The following ATP9A variants were observed in gnomAD, a reference collection of about 807,000 sequenced individuals.
ATP9A encodes ATPase phospholipid transporting 9A, also known as probable phospholipid-transporting ATPase IIA.
A neutral mutation model predicts 144.1 loss-of-function variants in ATP9A; 52 were observed. The observed-to-expected ratio is 0.36, with a 90% CI of 0.29 to 0.45. ATP9A has a LOEUF of 0.45. Ranked by LOEUF, ATP9A falls within the 20% of genes least tolerant of loss-of-function variation. ATP9A has a pLI of 1.00. For synonymous variants in ATP9A, 582 were observed against 557.4 expected (o/e 1.04, Z -0.62); for missense variants, 947 against 1,392.7 (o/e 0.68, Z 5.09).
intron 1 of ATP9A, among the ~76,000 whole-genome samples, chr20:51,750,592 G>A (rs1165926066): frequency 1.3e-5 from 2 of 152,154 alleles, no homozygotes; most frequent in Non-Finnish European, 2.9e-5. Flanking sequence ...CTGTGGCAAA[G>A]CCCTCAACGC....
At chr20:51,610,538 A>G (rs2077180991) in intron 23 of ATP9A, among the ~76,000 whole-genome samples, 1 of 152,156 alleles carries the variant, frequency 6.6e-6, no homozygotes, top group African/African-American at 2.4e-5. Context: ...TGCTTTGTAC[A>G]TGAGCACAGC....
chr20:51,726,664 G>A (rs994052275), intron 2 of ATP9A, among the ~76,000 whole-genome samples: 6 of 151,908 alleles, frequency 3.9e-5, no homozygotes, highest in Non-Finnish European at 8.8e-5. Context: ...CTGCAGCCTC[G>A]AATTCCTGGG....
chr20:51,700,415 C>T (rs1322530332), intron 4 of ATP9A, among the ~76,000 whole-genome samples: 3 of 152,120 alleles, frequency 2.0e-5, no homozygotes, highest in Admixed American at 6.6e-5. Context: ...CCAGCTACTC[C>T]GGAGACTGAG....
intron 1 of ATP9A, among the ~76,000 whole-genome samples, chr20:51,730,612 C>T (rs970331533): frequency 6.6e-6 from 1 of 152,228 alleles, no homozygotes; most frequent in Admixed American, 6.5e-5. Flanking sequence ...GAGTGACTTA[C>T]ACAACCTGGC....
intron 20 of ATP9A, 62 bp from the exon 21 acceptor site, chr20:51,618,868 C>A (rs45519340): frequency 1.2e-5 from 19 of 1,582,606 alleles, no homozygotes; most frequent in Non-Finnish European, 1.6e-5. Flanking sequence ...TGGTGGAGGT[C>A]GCTGCCGAGC....
intron 9 of ATP9A, among the ~76,000 whole-genome samples, chr20:51,684,135 T>G (rs2077512008): frequency 6.6e-6 from 1 of 151,912 alleles, no homozygotes; most frequent in African/African-American, 2.4e-5. Context: ...CAGTGAGCCC[T>G]GATCATGTCT....
intron 1 of ATP9A, among the ~76,000 whole-genome samples, chr20:51,765,401 T>TCACAGCAC (rs934825347): frequency 6.6e-6 from 1 of 152,134 alleles, no homozygotes; most frequent in African/African-American, 2.4e-5. Context: ...ACATCTGTAA[T>TCACAGCAC]CACAGCACTT....
At chr20:51,748,495 A>G (rs987225291) in intron 1 of ATP9A, among the ~76,000 whole-genome samples, 1 of 152,204 alleles carries the variant, frequency 6.6e-6, no homozygotes, top group Admixed American at 6.6e-5. Context: ...TCAGTTATAA[A>G]ATGTTGGCAA....
intron 1 of ATP9A, among the ~76,000 whole-genome samples, chr20:51,758,971 G>A (rs561331776): frequency 7.0e-4 from 107 of 152,270 alleles, no homozygotes; most frequent in Non-Finnish European, 1.4e-3. Flanking sequence ...CGGCAGGCAC[G>A]GCACCCATGT....
intron 14 of ATP9A, among the ~76,000 whole-genome samples, chr20:51,653,008 ACT>A (rs2077373200): frequency 6.6e-6 from 1 of 151,340 alleles, no homozygotes; most frequent in Non-Finnish European, 1.5e-5. Context: ...TGCTGGGGAG[ACT>A]GAGGCAGAAG....
chr20:51,657,680 G>A (rs760802548), intron 13 of ATP9A, among the ~76,000 whole-genome samples: 7 of 152,204 alleles, frequency 4.6e-5, no homozygotes, highest in Non-Finnish European at 8.8e-5. Flanking sequence ...CACTGTTTAA[G>A]CTCACAATCT....
intron 1 of ATP9A, among the ~76,000 whole-genome samples, chr20:51,746,993 G>C (rs553182050): frequency 6.6e-6 from 1 of 151,934 alleles, no homozygotes; most frequent in African/African-American, 2.4e-5. Flanking sequence ...GCAACAGAGC[G>C]AGACTCCGTC....
At chr20:51,697,661 A>G (rs1205690) in intron 4 of ATP9A, among the ~76,000 whole-genome samples, 179 bp from the exon 5 acceptor site, 92,411 of 152,054 alleles carry the variant, frequency 0.61, 28,336 homozygotes, top group Middle Eastern at 0.65. Flanking sequence ...TTCAACCGCT[A>G]CAGAGGCCGT....
intron 1 of ATP9A, among the ~76,000 whole-genome samples, chr20:51,750,190 C>T (rs991898649): frequency 7.2e-5 from 11 of 152,174 alleles, no homozygotes; most frequent in African/African-American, 2.6e-4. Flanking sequence ...AATAATAAAG[C>T]TCACCCCGCT....
intron 3 of ATP9A, among the ~76,000 whole-genome samples, chr20:51,720,855 C>G (rs958697405): frequency 5.3e-5 from 8 of 152,060 alleles, no homozygotes; most frequent in Non-Finnish European, 1.2e-4. Flanking sequence ...AAACAAAAAC[C>G]GTTTCCTGAT....
intron 3 of ATP9A, among the ~76,000 whole-genome samples, chr20:51,717,037 T>G (rs2077664992): frequency 6.6e-6 from 1 of 151,892 alleles, no homozygotes; most frequent in Non-Finnish European, 1.5e-5. Flanking sequence ...TAGCTGGGTG[T>G]GGTGGCCACC....
intron 3 of ATP9A, among the ~76,000 whole-genome samples, chr20:51,713,422 G>A (rs2077648539): frequency 6.6e-6 from 1 of 152,140 alleles, no homozygotes; most frequent in Non-Finnish European, 1.5e-5. Context: ...TACTAATACT[G>A]TCTCTCACCC....
In ATP9A at chr20:51,613,753, C is replaced by T. The variant is rs2077192951; in HGVS notation, c.2495G>A (p.Gly832Asp). 6.2e-7 allele frequency: 1 copy of T among 1,613,984 alleles called. No homozygotes were observed. Among genetic ancestry groups the T allele is most frequent in the Admixed American group, 1.7e-5 (1 of 59,998 alleles). ...KHLGRLLMVHGRNSYKRSAAL... is the reference protein window; with the variant it reads ...KHLGRLLMVHDRNSYKRSAAL... ...GGCTGACCGCTTGTAGCTGTTCCGGCCATGCACCATAAGCAACCGGCCAAG... is the reference window on the plus strand; with the variant it reads ...GGCTGACCGCTTGTAGCTGTTCCGGTCATGCACCATAAGCAACCGGCCAAG... The change falls in exon 23 of 28, where the codon GGC becomes GAC. Residue 832 changes from glycine to aspartate, a missense_variant. By Grantham distance (94) the Gly-to-Asp change is moderately conservative. Coordinates refer to ENST00000338821, the MANE Select transcript of ATP9A (RefSeq NM_006045.3).
At chr20:51,763,597 G>A (rs1202340213) in intron 1 of ATP9A, among the ~76,000 whole-genome samples, 2 of 152,146 alleles carry the variant, frequency 1.3e-5, no homozygotes, top group African/African-American at 2.4e-5. Flanking sequence ...ACAGGAATGA[G>A]CCACCGCACC....
Sources: gnomAD v4.1 joint callset for allele counts (sites outside exome capture counted in the v4.1 genomes callset) on GRCh38, gnomAD v4.1.1 for gene constraint, MANE v1.5 for transcripts, NCBI Gene and HGNC (gene_info 2026-07-23, HGNC 2026-07-21) for gene names.